Variants in NDUFAF6 observed in about 807,000 individuals in gnomAD.
The protein encoded by NDUFAF6 is NADH dehydrogenase (ubiquinone) complex I, assembly factor 6.
In NDUFAF6, 45 loss-of-function variants were observed where a neutral mutation model predicts 40.8. That is an observed-to-expected ratio of 1.10 (90% CI 0.87 to 1.42). The LOEUF is 1.42. Among genes scored for constraint, NDUFAF6 ranks in the 40% most tolerant of loss-of-function variants. The pLI is 0.00. For missense variants in NDUFAF6, 435 were observed against 418.5 expected, an observed-to-expected ratio of 1.04 and a Z score of -0.34; for synonymous variants, 185 against 155.9, an observed-to-expected ratio of 1.19 and a Z score of -1.39.
intron 1 of NDUFAF6, chr8:94,958,200 G>T (rs1823242194): frequency 6.6e-6 from 1 of 152,220 alleles, no homozygotes; most frequent in Admixed American, 6.6e-5. Context: ...AGACATAGAA[G>T]GTCTAAATGT....
chr8:95,057,278 TA>T (rs1467236643), intron 8 of NDUFAF6, among the ~76,000 whole-genome samples: 2 of 152,262 alleles, frequency 1.3e-5, no homozygotes, highest in African/African-American at 2.4e-5. Context: ...GCTATCCTTG[TA>T]AAAACTTTGT....
chr8:95,049,082 T>C (rs542663396), intron 7 of NDUFAF6, among the ~76,000 whole-genome samples: 1 of 152,320 alleles, frequency 6.6e-6, no homozygotes, highest in African/African-American at 2.4e-5. Context: ...TCGGGCCCTT[T>C]CCACCTTGGC....
chr8:94,952,232 C>T (rs531518248), intron 2 of NDUFAF6, among the ~76,000 whole-genome samples: 1 of 152,240 alleles, frequency 6.6e-6, no homozygotes, highest in African/African-American at 2.4e-5. Context: ...CAACTAATGC[C>T]TCTGCCTCCT....
intron 1 of NDUFAF6, among the ~76,000 whole-genome samples, chr8:94,971,162 T>C (rs187753751): frequency 6.6e-6 from 1 of 152,320 alleles, no homozygotes; most frequent in East Asian, 1.9e-4. Context: ...TGAACACACC[T>C]GCAAGGTAAA....
At chr8:95,004,976 A>AG (rs1826897036) in intron 2 of NDUFAF6, among the ~76,000 whole-genome samples, 1 of 152,146 alleles carries the variant, frequency 6.6e-6, no homozygotes. Flanking sequence ...GGCCCAAGTA[A>AG]GGGGGGAGTC....
intron 1 of NDUFAF6, among the ~76,000 whole-genome samples, chr8:94,938,255 T>C (rs981169255): frequency 6.6e-6 from 1 of 152,224 alleles, no homozygotes; most frequent in African/African-American, 2.4e-5. Flanking sequence ...AGTACGATGA[T>C]GGATGGAATG....
At chr8:95,090,228 G>A (rs1809203635) in intron 2 of NDUFAF6, among the ~76,000 whole-genome samples, 1 of 152,182 alleles carries the variant, frequency 6.6e-6, no homozygotes, top group Non-Finnish European at 1.5e-5. Flanking sequence ...CAGGAAGTGG[G>A]TTCTCTGTAT....
chr8:95,108,703 G>A (rs984722164), intron 4 of NDUFAF6, among the ~76,000 whole-genome samples: 2 of 152,106 alleles, frequency 1.3e-5, no homozygotes, highest in South Asian at 2.1e-4. Flanking sequence ...CAGTGTTGGC[G>A]TGGATATGGG....
At chr8:95,050,844 C>A (rs1831347477) in intron 7 of NDUFAF6, among the ~76,000 whole-genome samples, 1 of 151,948 alleles carries the variant, frequency 6.6e-6, no homozygotes, top group Non-Finnish European at 1.5e-5. Flanking sequence ...AAGTAGAATC[C>A]CACACGTAAC....
intron 9 of NDUFAF6, among the ~76,000 whole-genome samples, chr8:95,073,404 G>A (rs1338058769): frequency 1.3e-5 from 2 of 152,094 alleles, no homozygotes; most frequent in Admixed American, 6.5e-5. Context: ...CACCTCTCCC[G>A]AGCGCCCGCG....
chr8:94,946,690 C>T (rs1271747157), intron 2 of NDUFAF6, among the ~76,000 whole-genome samples: 7 of 31,102 alleles, frequency 2.3e-4, no homozygotes, highest in Non-Finnish European at 4.9e-4. Context: ...GAGTAAGACC[C>T]TGTCTCAAAA....
chr8:94,945,904 G>A (rs1821944395), intron 2 of NDUFAF6, among the ~76,000 whole-genome samples: 1 of 152,102 alleles, frequency 6.6e-6, no homozygotes, highest in Non-Finnish European at 1.5e-5. Flanking sequence ...AAAGTGTCTG[G>A]GCCCTAGCAT....
intron 1 of NDUFAF6, chr8:94,939,758 A>G (rs1320633258): frequency 3.4e-6 from 5 of 1,489,960 alleles, no homozygotes; most frequent in Non-Finnish European, 4.5e-6. Context: ...ATCTCTAACA[A>G]AATTAGTTTT....
At chr8:94,958,289 C>A (rs1394767556) in intron 1 of NDUFAF6, 1 of 152,218 alleles carries the variant, frequency 6.6e-6, no homozygotes, top group African/African-American at 2.4e-5. Flanking sequence ...CTTGATAGTT[C>A]TGGAGGCTGG....
intron 4 of NDUFAF6, among the ~76,000 whole-genome samples, chr8:95,112,551 T>C (rs1810026927): frequency 6.6e-6 from 1 of 152,220 alleles, no homozygotes; most frequent in African/African-American, 2.4e-5. Context: ...AGTGGATTTC[T>C]ATTGTCTTTA....
At chr8:95,047,853 CT>C (rs929921937) in intron 6 of NDUFAF6, among the ~76,000 whole-genome samples, 2 of 150,600 alleles carry the variant, frequency 1.3e-5, no homozygotes, top group African/African-American at 4.9e-5. Context: ...TTCTTTCAAA[CT>C]TTTTGTATGT....
At chr8:95,010,955 G>T (rs978599269) in intron 2 of NDUFAF6, among the ~76,000 whole-genome samples, 1 of 152,250 alleles carries the variant, frequency 6.6e-6, no homozygotes, top group Non-Finnish European at 1.5e-5. Context: ...CAGGGGAGCC[G>T]TGAGCACAGA....
At chr8:94,904,289 A>G (rs1489376313) in intron 1 of NDUFAF6, among the ~76,000 whole-genome samples, 5 of 119,512 alleles carry the variant, frequency 4.2e-5, no homozygotes, top group African/African-American at 6.5e-5. Context: ...GACTACAGGC[A>G]CCCACCATCA....
chr8:94,920,199 G>A (rs1209577630), intron 1 of NDUFAF6, among the ~76,000 whole-genome samples: 2 of 152,190 alleles, frequency 1.3e-5, no homozygotes, highest in Non-Finnish European at 2.9e-5. Flanking sequence ...GAACCATCTG[G>A]ATATAACTCG....
Sources: allele counts gnomAD v4.1 joint callset (sites outside exome capture counted in the v4.1 genomes callset), GRCh38; gene constraint gnomAD v4.1.1; transcripts MANE v1.5; gene names NCBI Gene and HGNC (gene_info 2026-07-23, HGNC 2026-07-21).